The following AGBL4 variants were observed in gnomAD, a reference collection of about 807,000 sequenced individuals.
The protein encoded by AGBL4 is AGBL carboxypeptidase 4.
AGBL4 carries 58 observed loss-of-function variants against 66.4 expected under a neutral mutation model. The observed-to-expected ratio is 0.87, with a 90% confidence interval of 0.71 to 1.09. AGBL4 has a LOEUF of 1.09. Ranked by LOEUF, AGBL4 falls within the 50% of genes least tolerant of loss-of-function variation. AGBL4 has a pLI of 0.00. For missense variants in AGBL4, 579 were observed against 631.0 expected (o/e 0.92, Z 0.88); for synonymous variants, 234 against 222.9 (o/e 1.05, Z -0.44).
intron 3 of AGBL4, among the ~76,000 whole-genome samples, chr1:49,345,787 T>A (rs2148511846): frequency 6.6e-6 from 1 of 152,298 alleles, no homozygotes; most frequent in South Asian, 2.1e-4. Context: ...GTGAGTATTC[T>A]TAACTTATGA....
At chr1:49,278,583 T>C (rs1644217389) in intron 3 of AGBL4, among the ~76,000 whole-genome samples, 1 of 152,086 alleles carries the variant, frequency 6.6e-6, no homozygotes, top group African/African-American at 2.4e-5. Flanking sequence ...TTTCATCCAG[T>C]TTTCCTGAAG....
intron 3 of AGBL4, among the ~76,000 whole-genome samples, chr1:49,376,298 G>A (rs756387448): frequency 6.6e-6 from 1 of 152,026 alleles, no homozygotes; most frequent in Admixed American, 6.6e-5. Flanking sequence ...TATCCTGGGA[G>A]GCTGGGAGGT....
Position 48,534,097 on chromosome 1 carries a change from G to A in AGBL4, c.*76C>T, listed in dbSNP as rs1280251544. 4.5e-6 allele frequency: 7 copies of A among 1,544,714 alleles called. No homozygotes were observed. Among genetic ancestry groups the A allele is most frequent in the Non-Finnish European group, 6.1e-6 (7 of 1,141,178 alleles). On this transcript the variant is annotated 3_prime_UTR_variant, in exon 14 of 14. Coordinates refer to ENST00000371839, the MANE Select transcript of AGBL4 (RefSeq NM_032785.4). The stretch of plus-strand genomic sequence containing the variant: ...AATCCACAAATCCTTGGAAGCTAGA[G>A]AAGAGTGATTAATTTCATTCCCCAG...
chr1:48,783,966 G>T (rs1303205185), intron 6 of AGBL4, among the ~76,000 whole-genome samples: 1 of 152,100 alleles, frequency 6.6e-6, no homozygotes, highest in Admixed American at 6.6e-5. Flanking sequence ...GCATCTCTGA[G>T]TTATGATTTC....
At chr1:49,369,302 T>C (rs1369659771) in intron 3 of AGBL4, among the ~76,000 whole-genome samples, 4 of 152,172 alleles carry the variant, frequency 2.6e-5, no homozygotes, top group African/African-American at 9.7e-5. Flanking sequence ...AAACTATTCA[T>C]AACAGCATAA....
chr1:48,765,359 C>T (rs1644478593), intron 6 of AGBL4, among the ~76,000 whole-genome samples: 1 of 152,134 alleles, frequency 6.6e-6, no homozygotes, highest in African/African-American at 2.4e-5. Context: ...ATCAAAACTA[C>T]AAGGAGATAC....
At chr1:49,307,171 T>A (rs1644862661) in intron 3 of AGBL4, among the ~76,000 whole-genome samples, 1 of 152,164 alleles carries the variant, frequency 6.6e-6, no homozygotes, top group Admixed American at 6.6e-5. Flanking sequence ...AATGGAAAGT[T>A]CCACATTTGG....
intron 3 of AGBL4, among the ~76,000 whole-genome samples, chr1:49,583,257 T>A (rs1034208605): frequency 7.9e-5 from 12 of 152,100 alleles, no homozygotes; most frequent in African/African-American, 2.9e-4. Context: ...GGTGAACATA[T>A]CCACATACTA....
intron 1 of AGBL4, among the ~76,000 whole-genome samples, chr1:50,002,359 CTTTTTTTTTTTTTTT>C (rs372960346): frequency 1.0e-5 from 1 of 96,052 alleles, no homozygotes; most frequent in Non-Finnish European, 2.0e-5. Flanking sequence ...TGCCCTAGTT[CTTTTTTTTTTTTTTT>C]TTTTTTTTTT....
At chr1:49,339,855 T>G (rs545831435) in intron 3 of AGBL4, among the ~76,000 whole-genome samples, 1 of 152,312 alleles carries the variant, frequency 6.6e-6, no homozygotes, top group African/African-American at 2.4e-5. Context: ...TCACTTACTG[T>G]GGAATTTCAA....
chr1:48,869,426 A>T (rs770167240), intron 5 of AGBL4, among the ~76,000 whole-genome samples: 6 of 152,150 alleles, frequency 3.9e-5, no homozygotes, highest in African/African-American at 7.2e-5. Context: ...GGAAGAATCC[A>T]TCATGTCCTT....
intron 6 of AGBL4, among the ~76,000 whole-genome samples, chr1:48,691,878 G>A (rs910869078): frequency 4.6e-5 from 7 of 152,072 alleles, no homozygotes; most frequent in African/African-American, 7.2e-5. Flanking sequence ...ACAAAAGCCC[G>A]TGCCTTCCAC....
intron 4 of AGBL4, 78 bp downstream of exon 4, chr1:49,245,692 A>C: frequency 1.0e-6 from 1 of 955,526 alleles, no homozygotes; most frequent in Non-Finnish European, 1.6e-6. Context: ...TTGGGGGTCC[A>C]TTAGTAGGTG....
chr1:49,357,553 A>AT (rs1644045792), intron 3 of AGBL4, among the ~76,000 whole-genome samples: 1 of 152,306 alleles, frequency 6.6e-6, no homozygotes, highest in African/African-American at 2.4e-5. Flanking sequence ...TTCAACCTCT[A>AT]TTAAATGGTT....
At chr1:49,026,131 G>C (rs1368926432) in intron 5 of AGBL4, among the ~76,000 whole-genome samples, 1 of 152,030 alleles carries the variant, frequency 6.6e-6, no homozygotes, top group Non-Finnish European at 1.5e-5. Flanking sequence ...AAAAACTCAG[G>C]TTCAAAAGAA....
At chr1:50,014,686 G>A (rs1241728679) in intron 1 of AGBL4, among the ~76,000 whole-genome samples, 2 of 151,574 alleles carry the variant, frequency 1.3e-5, no homozygotes, top group African/African-American at 2.4e-5. Flanking sequence ...CAACACGCCC[G>A]GCTAATTTTT....
At chr1:49,798,907 T>C (rs1046776414) in intron 2 of AGBL4, among the ~76,000 whole-genome samples, 2 of 152,212 alleles carry the variant, frequency 1.3e-5, no homozygotes, top group Admixed American at 6.5e-5. Context: ...GATAAAATCA[T>C]ATTAATTCTT....
chr1:49,832,781 T>G (rs894580279), intron 2 of AGBL4, among the ~76,000 whole-genome samples: 2 of 152,230 alleles, frequency 1.3e-5, no homozygotes, highest in African/African-American at 4.8e-5. Context: ...GTTTTTTGGC[T>G]GCATAAATGT....
intron 4 of AGBL4, among the ~76,000 whole-genome samples, chr1:49,232,427 G>T (rs759574123): frequency 6.6e-6 from 1 of 152,054 alleles, no homozygotes; most frequent in Non-Finnish European, 1.5e-5. Context: ...GGCTGGGCGC[G>T]GTGGCTCAAG....
Sources: gnomAD v4.1 joint callset for allele counts (sites outside exome capture counted in the v4.1 genomes callset) on GRCh38, gnomAD v4.1.1 for gene constraint, MANE v1.5 for transcripts, NCBI Gene and HGNC (gene_info 2026-07-23, HGNC 2026-07-21) for gene names.